ZNF655: variants seen among roughly 807,000 people sequenced by gnomAD.
ZNF655 encodes zinc finger protein 655, also known as Vav-interacting Kruppel-like protein 1.
A neutral mutation model predicts 6.6 loss-of-function variants in ZNF655; 3 were observed. That is an observed-to-expected ratio of 0.46 (90% CI 0.21 to 1.18). The LOEUF is 1.18. Among genes scored for constraint, ZNF655 ranks in the 50% most tolerant of loss-of-function variants. The probability of loss-of-function intolerance (pLI) is 0.24; values close to 1 mark genes in which losing one functional copy is unlikely to be tolerated. For missense variants in ZNF655, 526 were observed against 572.3 expected (o/e 0.92, Z 0.83); for synonymous variants, 178 against 195.0 (o/e 0.91, Z 0.73).
intron 2 of ZNF655, chr7:99,571,228 T>G (rs1584263715): frequency 7.8e-7 from 1 of 1,287,342 alleles, no homozygotes; most frequent in East Asian, 5.6e-5. Context: ...CTTAGAATAT[T>G]TATTCAGTTT....
Position 99,572,499 on chromosome 7 carries a change from T to C in ZNF655, c.391T>C (p.Cys131Arg). 1.9e-6 allele frequency: 3 copies of C among 1,614,008 alleles called. No individual in the cohort carries two copies. The highest frequency in any genetic ancestry group is 1.7e-6 in the Non-Finnish European group (2 of 1,179,960). Reference protein sequence around the residue: ...ETFTSEKNNECHEPEKSFSLD... With the variant: ...ETFTSEKNNERHEPEKSFSLD... ...CTTCACCAGTGAGAAGAACAATGAA[T>C]GTCATGAACCCGAAAAAAGCTTCAG... The change falls in exon 3 of 3, where the codon TGT (cysteine) becomes CGT (arginine). Residue 131 changes from cysteine to arginine, a missense_variant. Coordinates refer to ENST00000252713, the MANE Select transcript of ZNF655 (RefSeq NM_138494.3).
At chr7:99,563,111 C>T in intron 2 of ZNF655, 1 of 428,244 alleles carries the variant, frequency 2.3e-6, no homozygotes, top group South Asian at 1.7e-5. Context: ...CCCAGGGCAG[C>T]AGAAATCTCA....
In ZNF655 at chr7:99,563,696, C is replaced by CTT. The variant is rs111763239; in HGVS notation, c.136+3012_136+3013dup. Among the ~76,000 whole-genome samples, 5 of 145,900 alleles carry CTT rather than the reference C, an allele frequency of 3.4e-5. No individual in the cohort carries two copies. In the South Asian group the frequency reaches 8.7e-4, roughly 25 times the overall value. ...AATACTGAATCATGCATTTTCTTTTCTTTTTTTTTTTTCCGTTGGCTTTGT... is the reference window on the plus strand; with the variant it reads ...AATACTGAATCATGCATTTTCTTTTCTTTTTTTTTTTTTTCCGTTGGCTTTGT... On this transcript the variant is annotated intron_variant, in intron 2 of 2. Coordinates refer to ENST00000252713, the MANE Select transcript of ZNF655 (RefSeq NM_138494.3).
intron 2 of ZNF655, among the ~76,000 whole-genome samples, chr7:99,565,208 G>A (rs975039239): frequency 3.4e-5 from 5 of 148,408 alleles, no homozygotes; most frequent in Non-Finnish European, 7.4e-5. Context: ...TTGCTCTGTT[G>A]CCCAGGCTGG....
chr7:99,564,575 A>G, intron 2 of ZNF655: 1 of 985,534 alleles, frequency 1.0e-6, no homozygotes, highest in Non-Finnish European at 1.2e-6. Flanking sequence ...GGGAGGGCAA[A>G]GAAGTTAAAT....
intron 2 of ZNF655, chr7:99,571,546 C>T: frequency 1.0e-6 from 1 of 985,266 alleles, no homozygotes; most frequent in Non-Finnish European, 1.4e-6. Context: ...AGATCTTTGC[C>T]CTCTTCACTC....
intron 1 of ZNF655, among the ~76,000 whole-genome samples, chr7:99,559,690 C>G (rs1004790272): frequency 6.6e-6 from 1 of 152,186 alleles, no homozygotes. Context: ...TGCAGTGGCG[C>G]AGTCATAGCT....
At position 99,575,902 on chromosome 7, in the gene ZNF655, AC is replaced by A. The variant is rs1202858828; in HGVS notation, c.*2320del. 6.6e-6 allele frequency: 1 copy of A among 152,256 alleles called. No homozygotes were observed. Among genetic ancestry groups the A allele is most frequent in the African/African-American group, 2.4e-5 (1 of 41,458 alleles). The allele number at this position is 152,256 out of a possible 1,614,324, so 9.4% of individuals were successfully genotyped here. ...CAGATGTTGGCTCAAGTTCAGGGCC[AC>A]CATCATATACCTAACAAGAGTTCAT... On this transcript the variant is annotated 3_prime_UTR_variant, in exon 3 of 3. Transcript: ENST00000252713.
chr7:99,573,680 T>G lies in ZNF655; in HGVS notation c.*96T>G. 1.6e-5 allele frequency: 23 copies of G among 1,405,446 alleles called. No homozygotes were observed. Among genetic ancestry groups the G allele is most frequent in the African/African-American group, 4.3e-5 (3 of 69,776 alleles). The allele number at this position is 1,405,446 out of a possible 1,614,324, so 87.1% of individuals were successfully genotyped here. On this transcript the variant is annotated 3_prime_UTR_variant, in exon 3 of 3. Transcript: ENST00000252713. ...GAAATCATGTATGTACTGCATGTGG[T>G]AAAGCCTTCAGTCATAGCTCAGCCA...
Position 99,572,926 on chromosome 7 carries a change from C to A in ZNF655, c.818C>A (p.Ser273Tyr), listed in dbSNP as rs1303764668. 2 of 1,613,974 alleles carry A rather than the reference C, an allele frequency of 1.2e-6. No homozygotes were observed. Among genetic ancestry groups the A allele is most frequent in the African/African-American group, 2.7e-5 (2 of 74,926 alleles). The change falls in exon 3 of 3, where the codon TCT becomes TAT. Residue 273 changes from serine to tyrosine, a missense_variant. Coordinates refer to ENST00000252713, the MANE Select transcript of ZNF655 (RefSeq NM_138494.3). ...TREKPYKCEA[S>Y]DKSCEASDKS... is the part of the protein sequence containing the mutation. ...GAAAAACCTTACAAATGTGAAGCAT[C>A]TGATAAATCCTGTGAAGCGTCTGAT... is the stretch of plus-strand genomic sequence containing the variant.
chr7:99,563,766 G>A, intron 2 of ZNF655: 1 of 1,400,900 alleles, frequency 7.1e-7, no homozygotes, highest in Non-Finnish European at 9.7e-7. Flanking sequence ...CCCTGATTAT[G>A]CTCAGGATTC....
intron 2 of ZNF655, chr7:99,564,569 G>A (rs867561551): frequency 3.0e-6 from 3 of 985,470 alleles, no homozygotes; most frequent in Non-Finnish European, 3.6e-6. Context: ...GGAGAAGGGA[G>A]GGCAAAGAAG....
chr7:99,561,664 A>G lies in ZNF655; in HGVS notation c.136+969A>G, dbSNP rs151123361. On this transcript the variant is annotated intron_variant, in intron 2 of 2. Coordinates refer to ENST00000252713, the MANE Select transcript of ZNF655 (RefSeq NM_138494.3). ...TGTGATGAAGATAAAGTGAAATACA[A>G]GCTTTCCTAAGAAAATCCTGTATCA... 6.6e-3 allele frequency among the ~76,000 whole-genome samples: 998 copies of G among 152,360 alleles called. 11 individuals are homozygous for G. The highest frequency in any genetic ancestry group is 0.017 in the Middle Eastern group (5 of 294).
At chr7:99,563,518 A>G (rs1226628941) in intron 2 of ZNF655, among the ~76,000 whole-genome samples, 2 of 151,956 alleles carry the variant, frequency 1.3e-5, no homozygotes, top group Non-Finnish European at 2.9e-5. Flanking sequence ...GGGTTTCACC[A>G]TGCTGGTCAG....
intron 2 of ZNF655, chr7:99,561,806 C>T: frequency 1.2e-6 from 1 of 820,074 alleles, no homozygotes; most frequent in East Asian, 3.2e-5. Context: ...CTGCTGACAC[C>T]CCTTGGGCTG....
At chr7:99,566,506 G>C (rs1803643910) in intron 2 of ZNF655, among the ~76,000 whole-genome samples, 1 of 152,234 alleles carries the variant, frequency 6.6e-6, no homozygotes, top group Non-Finnish European at 1.5e-5. Flanking sequence ...GAAGCTTTCA[G>C]ATGGCTAAAA....
chr7:99,568,658 A>G (rs1012246105), intron 2 of ZNF655, among the ~76,000 whole-genome samples: 4 of 151,948 alleles, frequency 2.6e-5, no homozygotes, highest in Non-Finnish European at 5.9e-5. Flanking sequence ...GAGTCTCACT[A>G]TGTTCCCCAA....
intron 2 of ZNF655, among the ~76,000 whole-genome samples, chr7:99,563,593 C>T (rs1803380717): frequency 6.6e-6 from 1 of 152,216 alleles, no homozygotes; most frequent in Non-Finnish European, 1.5e-5. Context: ...GCTGGAATTA[C>T]AGGCATGAGC....
At chr7:99,561,822 G>A in intron 2 of ZNF655, 2 of 1,117,084 alleles carry the variant, frequency 1.8e-6, no homozygotes, top group Non-Finnish European at 2.4e-6. Flanking sequence ...GGCTGGAGAG[G>A]CCTCCTCTGA....
Sources: gnomAD v4.1 joint callset for allele counts (sites outside exome capture counted in the v4.1 genomes callset) on GRCh38, gnomAD v4.1.1 for gene constraint, MANE v1.5 for transcripts, NCBI Gene and HGNC (gene_info 2026-07-23, HGNC 2026-07-21) for gene names.